REV3L: variants seen among roughly 807,000 people sequenced by gnomAD.
REV3L encodes the protein DNA polymerase zeta catalytic subunit.
In REV3L, 69 loss-of-function variants were observed where a neutral mutation model predicts 299.4. That is an observed-to-expected ratio of 0.23 (90% CI 0.19 to 0.28). The LOEUF is 0.28. Ranked by LOEUF, REV3L falls within the 10% of genes least tolerant of loss-of-function variation. The probability of loss-of-function intolerance (pLI) is 1.00; values close to 1 mark genes in which losing one functional copy is unlikely to be tolerated. For missense variants in REV3L, 3,128 were observed against 3,693.8 expected (o/e 0.85, Z 3.97); for synonymous variants, 1,238 against 1,271.4 (o/e 0.97, Z 0.56).
chr6:111,482,939 G>A lies in REV3L; in HGVS notation c.-51C>T, dbSNP rs757384967. 8.2e-5 allele frequency: 121 copies of A among 1,471,758 alleles called. No homozygotes were observed. The highest frequency in any genetic ancestry group is 1.1e-4 in the Non-Finnish European group (119 of 1,120,880). The allele number at this position is 1,471,758 out of a possible 1,614,324, so 91.2% of individuals were successfully genotyped here. On this transcript the variant is annotated 5_prime_UTR_variant, in exon 1 of 32. Coordinates refer to ENST00000368802, the MANE Select transcript of REV3L (RefSeq NM_001372078.1). ...CTTCACTGGCGACCCGGCAGCGGCAGCAGCAGCGGCGGCGGCTCCCTCCGC... is the reference window on the plus strand; with the variant it reads ...CTTCACTGGCGACCCGGCAGCGGCAACAGCAGCGGCGGCGGCTCCCTCCGC...
In REV3L at chr6:111,468,070, C is replaced by T. The variant is rs561532088; in HGVS notation, c.139+14680G>A. ...TTATGATCCTACTCCTTGGACTGCCCGGTCAAAACGACTGATGTCATAATA... is the reference window on the plus strand; with the variant it reads ...TTATGATCCTACTCCTTGGACTGCCTGGTCAAAACGACTGATGTCATAATA... On this transcript the variant is annotated intron_variant, in intron 1 of 31. Coordinates refer to ENST00000368802, the MANE Select transcript of REV3L (RefSeq NM_001372078.1). Among the ~76,000 whole-genome samples the T allele has an allele frequency of 2.0e-5, 3 of 152,136 alleles. No homozygotes were observed. In the East Asian group the frequency reaches 5.8e-4, roughly 29 times the overall value.
At position 111,326,060 on chromosome 6, in the gene REV3L, T is replaced by C. The variant is rs990562205; in HGVS notation, c.8242-3382A>G. On this transcript the variant is annotated intron_variant, in intron 25 of 31. Coordinates refer to ENST00000368802, the MANE Select transcript of REV3L (RefSeq NM_001372078.1). ...GTCTGGCTTATTTCACTTAGCATAA[T>C]GTCCTTCAGTTCCATCCATGTTTTG... Among the ~76,000 whole-genome samples the C allele has an allele frequency of 7.2e-5, 11 of 152,340 alleles. No individual in the cohort carries two copies. The Middle Eastern group carries it at 0.017, about 236-fold the overall frequency.
intron 1 of REV3L, among the ~76,000 whole-genome samples, chr6:111,480,536 C>T (rs532410719): frequency 4.6e-5 from 7 of 152,066 alleles, no homozygotes; most frequent in Non-Finnish European, 7.4e-5. Flanking sequence ...CTGGGAGTTT[C>T]TGACGTGCTA....
At chr6:111,419,875 C>T (rs1196350608) in intron 1 of REV3L, among the ~76,000 whole-genome samples, 3 of 151,294 alleles carry the variant, frequency 2.0e-5, no homozygotes, top group Non-Finnish European at 2.9e-5. Context: ...GATGGAGTCT[C>T]GCTCTGTCAC....
At chr6:111,430,478 T>A (rs1290329673) in intron 1 of REV3L, 1 of 1,547,732 alleles carries the variant, frequency 6.5e-7, no homozygotes, top group Non-Finnish European at 8.9e-7. Flanking sequence ...CCATTTATTA[T>A]AAAGCTGCAA....
intron 4 of REV3L, among the ~76,000 whole-genome samples, chr6:111,405,236 C>T (rs1783502717): frequency 6.6e-6 from 1 of 152,058 alleles, no homozygotes; most frequent in Non-Finnish European, 1.5e-5. Flanking sequence ...ATCAAACTGT[C>T]CTCTTTAAAC....
intron 1 of REV3L, among the ~76,000 whole-genome samples, chr6:111,420,784 C>A (rs1371437312): frequency 1.3e-5 from 2 of 152,220 alleles, no homozygotes; most frequent in African/African-American, 4.8e-5. Flanking sequence ...GCAGATGCCT[C>A]TTCAACAAGG....
At chr6:111,359,156 C>T (rs1778388057) in intron 16 of REV3L, 142 bp from the exon 17 acceptor site, 1 of 537,858 alleles carries the variant, frequency 1.9e-6, no homozygotes, top group Admixed American at 3.5e-5. Context: ...CAGCAGCACT[C>T]CATATATTAA....
Position 111,299,753 on chromosome 6 carries a change from A to G in REV3L, c.*263T>C, listed in dbSNP as rs1771273153. 3.6e-6 allele frequency: 1 copy of G among 274,202 alleles called. No homozygotes were observed. The highest frequency in any genetic ancestry group is 6.8e-6 in the Non-Finnish European group (1 of 146,756). 17.0% of individuals were successfully genotyped at this position (274,202 alleles called of 1,614,324 possible). A position where few individuals can be genotyped will look rare whatever the true frequency, so the allele number is the denominator to read the frequency against. ...TACTCAAATGAATTTACAAGATGGT[A>G]CACATACTGGAGCAAATCCAACACC... is the stretch of plus-strand genomic sequence containing the variant. On this transcript the variant is annotated 3_prime_UTR_variant, in exon 32 of 32. Coordinates refer to ENST00000368802, the MANE Select transcript of REV3L (RefSeq NM_001372078.1).
At chr6:111,457,070 A>G (rs1790243404) in intron 1 of REV3L, among the ~76,000 whole-genome samples, 2 of 152,104 alleles carry the variant, frequency 1.3e-5, no homozygotes, top group African/African-American at 4.8e-5. Context: ...TCCCATTTAT[A>G]CTTTCAAACC....
chr6:111,440,987 T>TA (rs937804356), intron 1 of REV3L, among the ~76,000 whole-genome samples: 3 of 152,234 alleles, frequency 2.0e-5, no homozygotes, highest in Non-Finnish European at 4.4e-5. Flanking sequence ...CACATAGAAG[T>TA]AAGGTGGGTT....
chr6:111,380,132 G>A lies in REV3L; in HGVS notation c.1304C>T (p.Ser435Leu), dbSNP rs762527120. ...ATTATTTCCAAAGGAGCGACATGGT[G>A]ATGGCATCCTATTTCTTTCCCCCCG... Reference protein sequence around the residue: ...GYRGERNRMPSPCRSFGNNKY... With the variant: ...GYRGERNRMPLPCRSFGNNKY... The change falls in exon 11 of 32, where the codon TCA becomes TTA. Residue 435 changes from serine (S) to leucine (L), a missense_variant. This residue lies in a region of REV3L where 2,409 missense variants were observed against 2,611.8 expected (regional missense o/e 0.92). Transcript: ENST00000368802. The A allele has an allele frequency of 3.7e-5, 59 of 1,613,832 alleles. No individual in the cohort carries two copies. The highest frequency in any genetic ancestry group is 1.6e-4 in the Middle Eastern group (1 of 6,084).
At chr6:111,481,705 A>C (rs1327461454) in intron 1 of REV3L, among the ~76,000 whole-genome samples, 3 of 152,224 alleles carry the variant, frequency 2.0e-5, no homozygotes, top group African/African-American at 4.8e-5. Context: ...AACCTTTCCT[A>C]AGATGCATTA....
chr6:111,459,603 G>A (rs1420957338), intron 1 of REV3L, among the ~76,000 whole-genome samples: 1 of 151,974 alleles, frequency 6.6e-6, no homozygotes, highest in African/African-American at 2.4e-5. Flanking sequence ...TAAAATGTAA[G>A]CAAAGGACAT....
At chr6:111,321,656 T>G (rs1446699908) in intron 26 of REV3L, among the ~76,000 whole-genome samples, 1 of 152,224 alleles carries the variant, frequency 6.6e-6, no homozygotes, top group Non-Finnish European at 1.5e-5. Context: ...TCAGCATTAA[T>G]ATGATTATGC....
intron 1 of REV3L, among the ~76,000 whole-genome samples, chr6:111,423,787 G>C (rs566266506): frequency 1.3e-5 from 2 of 152,144 alleles, no homozygotes; most frequent in Admixed American, 6.5e-5. Context: ...ACTGGAATTT[G>C]AGAGTAGGAT....
intron 1 of REV3L, among the ~76,000 whole-genome samples, chr6:111,481,711 C>G (rs1253638973): frequency 6.6e-6 from 1 of 152,106 alleles, no homozygotes; most frequent in Non-Finnish European, 1.5e-5. Context: ...TCCTAAGATG[C>G]ATTATTTCCT....
rs1266983392 is a variant in REV3L at position 111,367,492 on chromosome 6, G to A, written c.6296C>T (p.Ser2099Phe). 6.2e-7 allele frequency: 1 copy of A among 1,609,082 alleles called. No homozygotes were observed. Among genetic ancestry groups the A allele is most frequent in the Admixed American group, 1.7e-5 (1 of 59,828 alleles). Residue 2099 changes from serine to phenylalanine, a missense_variant, in exon 14 of 32, where the codon TCT becomes TTT. By Grantham distance (155) the Ser-to-Phe change is radical. Transcript: ENST00000368802. ...SESQMLPPVA[S>F]ASDPEKDEDD... The stretch of plus-strand genomic sequence containing the variant: ...TTCATCTTTTTCGGGATCACTTGCA[G>A]AGGCAACTGGTGGCAGCATCTGACT...
chr6:111,471,837 A>C (rs1339407935), intron 1 of REV3L, among the ~76,000 whole-genome samples: 1 of 152,160 alleles, frequency 6.6e-6, no homozygotes, highest in Non-Finnish European at 1.5e-5. Flanking sequence ...AAGGGGATGA[A>C]GACTTGGAAA....
Sources: gnomAD v4.1 joint callset for allele counts (sites outside exome capture counted in the v4.1 genomes callset) on GRCh38, gnomAD v4.1.1 for gene constraint, gnomAD v4.1.1 regional missense constraint, MANE v1.5 for transcripts, NCBI Gene and HGNC (gene_info 2026-07-23, HGNC 2026-07-21) for gene names.